PHKB: variants seen among roughly 807,000 people sequenced by gnomAD.
PHKB encodes the protein phosphorylase kinase regulatory subunit beta.
PHKB carries 122 observed loss-of-function variants against 152.1 expected under a neutral mutation model. The observed-to-expected ratio is 0.80, with a 90% CI of 0.69 to 0.93. The LOEUF is 0.93. Among genes scored for constraint, PHKB ranks in the 40% least tolerant of loss-of-function variants. The pLI is 0.00. For synonymous variants in PHKB, 436 were observed against 464.9 expected (o/e 0.94, Z 0.80); for missense variants, 1,304 against 1,328.4 (o/e 0.98, Z 0.29).
At chr16:47,593,032 C>G (rs1972055166) in intron 10 of PHKB, among the ~76,000 whole-genome samples, 1 of 147,948 alleles carries the variant, frequency 6.8e-6, no homozygotes, top group South Asian at 2.3e-4. Context: ...AAGAGGATCT[C>G]TTGAGGCCAG....
chr16:47,656,604 A>G (rs1271635470), intron 20 of PHKB, among the ~76,000 whole-genome samples: 1 of 152,214 alleles, frequency 6.6e-6, no homozygotes, highest in African/African-American at 2.4e-5. Flanking sequence ...AACTACATTC[A>G]CTTTGTTGTG....
Position 47,700,608 on chromosome 16 carries a change from A to C in PHKB, c.*1242A>C, listed in dbSNP as rs1250401696. On this transcript the variant is annotated 3_prime_UTR_variant, in exon 31 of 31. Transcript: ENST00000323584. ...ACACATTTAGTTGCCCAGTTTACTT[A>C]AACTTTAATGAAAGTAGAAAGTAGA... The C allele has an allele frequency of 2.0e-5, 3 of 152,154 alleles. No individual in the cohort carries two copies. The highest frequency in any genetic ancestry group is 2.9e-5 in the Non-Finnish European group (2 of 68,020). 9.4% of individuals were successfully genotyped at this position (152,154 alleles called of 1,614,324 possible).
At chr16:47,611,256 G>A (rs1400678776) in intron 14 of PHKB, among the ~76,000 whole-genome samples, 2 of 152,192 alleles carry the variant, frequency 1.3e-5, no homozygotes, top group African/African-American at 2.4e-5. Context: ...GCCTGTGCTT[G>A]ATGTCTCTCC....
intron 7 of PHKB, 80 bp from the exon 8 acceptor site, chr16:47,580,215 C>T (rs1597100039): frequency 1.2e-5 from 12 of 1,038,908 alleles, no homozygotes; most frequent in South Asian, 2.7e-5. Context: ...GAAATTTGCT[C>T]GTGAATATTC....
At chr16:47,638,708 AAGG>A (rs1258423644) in intron 14 of PHKB, among the ~76,000 whole-genome samples, 2 of 152,202 alleles carry the variant, frequency 1.3e-5, no homozygotes, top group African/African-American at 4.8e-5. Flanking sequence ...TGAACTCCTC[AAGG>A]AGGGACATTG....
At chr16:47,566,479 C>T in intron 7 of PHKB, 2 of 1,608,164 alleles carry the variant, frequency 1.2e-6, no homozygotes, top group East Asian at 2.2e-5. Context: ...TCAGCATAAC[C>T]AAAACCTTTC....
Position 47,631,315 on chromosome 16 carries a change from C to T in PHKB, c.1459-9720C>T, listed in dbSNP as rs192058846. ...TGTAACCTTTGACAAATTATTAAAC[C>T]GCTCGTCACCTCAGTTTCCTCATCT... On this transcript the variant is annotated intron_variant, in intron 14 of 30. Transcript: ENST00000323584. Among the ~76,000 whole-genome samples, 151 of 152,184 alleles carry T rather than the reference C, an allele frequency of 9.9e-4. 1 individual carries two copies. Among genetic ancestry groups the T allele is most frequent in the African/African-American group, 3.4e-3 (143 of 41,544 alleles).
intron 7 of PHKB, among the ~76,000 whole-genome samples, chr16:47,572,175 ACCCAAGAAGTC>A (rs1971672296): frequency 6.6e-6 from 1 of 152,100 alleles, no homozygotes; most frequent in Non-Finnish European, 1.5e-5. Context: ...GTGAGCAAGG[ACCCAAGAAGTC>A]CCCAGATTGC....
chr16:47,689,311 G>C, intron 27 of PHKB, 136 bp downstream of exon 27: 1 of 779,778 alleles, frequency 1.3e-6, no homozygotes, highest in South Asian at 1.5e-5. Flanking sequence ...CACCCCACTA[G>C]ATGGAAAGTG....
intron 7 of PHKB, among the ~76,000 whole-genome samples, chr16:47,567,876 C>G (rs1226692831): frequency 1.3e-5 from 2 of 152,138 alleles, no homozygotes; most frequent in Non-Finnish European, 2.9e-5. Context: ...CCTTGTATCC[C>G]TGGGATGAAG....
chr16:47,464,120 C>A (rs962271753), intron 1 of PHKB: 2 of 720,602 alleles, frequency 2.8e-6, no homozygotes, highest in East Asian at 2.6e-5. Context: ...CCTGAGTACC[C>A]GGCTGGTGTT....
chr16:47,462,686 C>G (rs567364474), intron 1 of PHKB: 1 of 148,280 alleles, frequency 6.7e-6, no homozygotes, highest in Admixed American at 6.7e-5. Context: ...ACGTTTTGGG[C>G]TTTTCCTATT....
intron 4 of PHKB, among the ~76,000 whole-genome samples, chr16:47,509,424 A>G (rs1970471809): frequency 6.6e-6 from 1 of 152,148 alleles, no homozygotes; most frequent in African/African-American, 2.4e-5. Context: ...AATCATAAGG[A>G]GGGCTGTATT....
At chr16:47,646,605 CAA>C (rs1372003473) in intron 16 of PHKB, among the ~76,000 whole-genome samples, 7 of 111,480 alleles carry the variant, frequency 6.3e-5, no homozygotes, top group East Asian at 5.5e-4. Context: ...ACAGAACATA[CAA>C]AGAGTCATTA....
At chr16:47,524,875 T>C (rs1970740996) in intron 6 of PHKB, among the ~76,000 whole-genome samples, 1 of 152,204 alleles carries the variant, frequency 6.6e-6, no homozygotes, top group Non-Finnish European at 1.5e-5. Flanking sequence ...CACTTTAATA[T>C]TTTTCTTTTT....
intron 1 of PHKB, among the ~76,000 whole-genome samples, chr16:47,491,526 A>G (rs549789151): frequency 6.6e-6 from 1 of 152,308 alleles, no homozygotes; most frequent in African/African-American, 2.4e-5. Context: ...TCTTCCCTTT[A>G]AAAAATATTT....
chr16:47,481,223 C>T (rs1224728161), intron 1 of PHKB, among the ~76,000 whole-genome samples: 1 of 152,108 alleles, frequency 6.6e-6, no homozygotes, highest in Non-Finnish European at 1.5e-5. Context: ...AGTCATGCTT[C>T]AGAAATGATC....
At chr16:47,683,839 C>T (rs1597178878) in intron 26 of PHKB, among the ~76,000 whole-genome samples, 2 of 152,272 alleles carry the variant, frequency 1.3e-5, no homozygotes, top group South Asian at 4.1e-4. Flanking sequence ...CAGAAATCAC[C>T]CATCTTCTGC....
At chr16:47,511,338 T>C (rs552857896) in intron 4 of PHKB, among the ~76,000 whole-genome samples, 1 of 152,324 alleles carries the variant, frequency 6.6e-6, no homozygotes, top group South Asian at 2.1e-4. Context: ...ACTGAAATCC[T>C]GTCTCACAAC....
Sources: gnomAD v4.1 joint callset for allele counts (sites outside exome capture counted in the v4.1 genomes callset) on GRCh38, gnomAD v4.1.1 for gene constraint, MANE v1.5 for transcripts, NCBI Gene and HGNC (gene_info 2026-07-23, HGNC 2026-07-21) for gene names.